TXLNG: variants seen among roughly 807,000 people sequenced by gnomAD.
The protein encoded by TXLNG is taxilin gamma.
In TXLNG, 5 loss-of-function variants were observed where a neutral mutation model predicts 38.8. That is an observed-to-expected ratio of 0.13 (90% confidence interval 0.07 to 0.27). TXLNG has a LOEUF of 0.27. Among genes scored for constraint, TXLNG ranks in the 10% least tolerant of loss-of-function variants. TXLNG has a pLI of 1.00. For missense variants in TXLNG, 393 were observed against 398.2 expected, an observed-to-expected ratio of 0.99 and a Z score of 0.11; for synonymous variants, 182 against 158.2, an observed-to-expected ratio of 1.15 and a Z score of -1.13.
At chrX:16,823,319 G>T (rs971321051) in intron 3 of TXLNG, among the ~76,000 whole-genome samples, 2 of 108,670 alleles carry the variant, frequency 1.8e-5, no homozygotes, top group African/African-American at 6.7e-5. Context: ...TTTGCTGGGC[G>T]TGGTGGCGCA....
intron 1 of TXLNG, 41 bp downstream of exon 1, chrX:16,786,630 GA>G: frequency 1.1e-6 from 1 of 946,566 alleles, no homozygotes. Context: ...GGGCCCGGGG[GA>G]TGTTTGGGCT....
chrX:16,816,480 G>A (rs1928749336), intron 1 of TXLNG, among the ~76,000 whole-genome samples: 1 of 112,721 alleles, frequency 8.9e-6, no homozygotes, highest in Non-Finnish European at 1.9e-5. Flanking sequence ...GCGTGCCATT[G>A]TGAATTTTTG....
intron 1 of TXLNG, among the ~76,000 whole-genome samples, chrX:16,799,878 C>T (rs1394830776): frequency 8.9e-6 from 1 of 111,993 alleles, no homozygotes; most frequent in Non-Finnish European, 1.9e-5. Flanking sequence ...TTGTGTGTTC[C>T]ATTTATCTCA....
chrX:16,796,843 A>G (rs1225724913), intron 1 of TXLNG, among the ~76,000 whole-genome samples: 1 of 111,441 alleles, frequency 9.0e-6, no homozygotes, highest in Non-Finnish European at 1.9e-5. Context: ...CAACCAGGAC[A>G]GCAGTTCTCA....
At chrX:16,840,109 A>G in intron 9 of TXLNG, 193 bp downstream of exon 9, 1 of 346,663 alleles carries the variant, frequency 2.9e-6, no homozygotes, top group East Asian at 4.6e-5. Context: ...TAGGTTAGGG[A>G]CAGGGCCCTG....
intron 1 of TXLNG, among the ~76,000 whole-genome samples, chrX:16,800,734 G>A (rs993492194): frequency 7.2e-5 from 8 of 110,892 alleles, no homozygotes; most frequent in African/African-American, 2.6e-4. Flanking sequence ...CTGGCCAAGA[G>A]GAGATACTTC....
At chrX:16,803,614 A>G (rs1430854838) in intron 1 of TXLNG, among the ~76,000 whole-genome samples, 1 of 98,954 alleles carries the variant, frequency 1.0e-5, no homozygotes, top group Non-Finnish European at 2.0e-5. Context: ...AAGTGCTGGG[A>G]TTACAGGCGT....
Position 16,839,883 on chromosome X carries a change from C to T in TXLNG, c.1215C>T (p.Asn405=), listed in dbSNP as rs1929729765. ...ETIIWRTKWE[N]NNKALLQMAE... is the part of the protein sequence containing the mutation. ...TAATTTGGCGTACCAAATGGGAAAACAATAATAAAGCACTTCTGCAAATGG... is the reference window on the plus strand; with the variant it reads ...TAATTTGGCGTACCAAATGGGAAAATAATAATAAAGCACTTCTGCAAATGG... Residue 405 remains asparagine, a synonymous_variant, in exon 9 of 10, where the codon AAC becomes AAT. Transcript: ENST00000380122. 2.5e-6 allele frequency: 3 copies of T among 1,203,509 alleles called. No homozygotes were observed. Among genetic ancestry groups the T allele is most frequent in the African/African-American group, 1.7e-5 (1 of 57,530 alleles).
Position 16,786,535 on chromosome X carries a change from C to T in TXLNG, c.48C>T (p.Ala16=). The part of the protein sequence containing the change: ...EEAARGRGGG[A]EEATEAGRGG... Reference sequence around the variant, plus strand: ...CAGCGCGGGGAAGAGGCGGCGGCGCCGAAGAGGCGACTGAGGCCGGACGGG... The same window carrying T: ...CAGCGCGGGGAAGAGGCGGCGGCGCTGAAGAGGCGACTGAGGCCGGACGGG... The change falls in exon 1 of 10, where the codon GCC becomes GCT. Residue 16 remains alanine (A), a synonymous_variant. Transcript: ENST00000380122. 2 of 1,099,870 alleles carry T rather than the reference C, an allele frequency of 1.8e-6. No homozygotes were observed. Among genetic ancestry groups the T allele is most frequent in the Non-Finnish European group, 2.4e-6 (2 of 844,359 alleles). The allele number at this position is 1,099,870 out of a possible 1,213,427, so 90.6% of individuals were successfully genotyped here. A position where few individuals can be genotyped will look rare whatever the true frequency, so the allele number is the denominator to read the frequency against.
Position 16,814,064 on chromosome X carries a change from C to T in TXLNG, c.103-4510C>T, listed in dbSNP as rs757150694. Among the ~76,000 whole-genome samples, 28 of 109,779 alleles carry T rather than the reference C, an allele frequency of 2.6e-4. No individual in the cohort carries two copies. In the East Asian group the frequency reaches 4.3e-3, roughly 17 times the overall value. ...TCACGCCACTGCACTCCAGCCTGGG[C>T]GACAGAGCGAGACTCCATCTCAAAA... On this transcript the variant is annotated intron_variant, in intron 1 of 9. Transcript: ENST00000380122.
chrX:16,793,700 G>A (rs1316683748), intron 1 of TXLNG, among the ~76,000 whole-genome samples: 1 of 108,082 alleles, frequency 9.3e-6, no homozygotes, highest in Non-Finnish European at 1.9e-5. Context: ...TGCCCAGGCT[G>A]GAGTGTAGTT....
intron 1 of TXLNG, among the ~76,000 whole-genome samples, chrX:16,790,305 C>T (rs1008087655): frequency 9.0e-6 from 1 of 111,110 alleles, no homozygotes; most frequent in Non-Finnish European, 1.9e-5. Context: ...CCTATAAATC[C>T]CTTGTGCTCT....
At chrX:16,803,078 A>G (rs1366803715) in intron 1 of TXLNG, among the ~76,000 whole-genome samples, 1 of 111,012 alleles carries the variant, frequency 9.0e-6, no homozygotes, top group African/African-American at 3.3e-5. Flanking sequence ...TTGGCCTCCC[A>G]AAGTACCGGG....
rs764265436 is a variant in TXLNG, at chrX:16,843,732, C to G, written c.*1966C>G. On this transcript the variant is annotated 3_prime_UTR_variant, in exon 10 of 10. Coordinates refer to ENST00000380122, the MANE Select transcript of TXLNG (RefSeq NM_018360.3). ...TAAATCTTGGGCCTGTTGCATACTT[C>G]CAAGGGCTTTAAAGCAATGTGATTA... The G allele has an allele frequency of 1.8e-5, 2 of 111,989 alleles. No individual in the cohort carries two copies. Among genetic ancestry groups the G allele is most frequent in the Non-Finnish European group, 3.8e-5 (2 of 53,222 alleles). 9.2% of individuals were successfully genotyped at this position (111,989 alleles called of 1,213,427 possible).
chrX:16,838,345 G>A (rs749678767), intron 8 of TXLNG, among the ~76,000 whole-genome samples: 2 of 111,870 alleles, frequency 1.8e-5, no homozygotes, highest in South Asian at 7.4e-4. Flanking sequence ...GTTGGGTTGG[G>A]GAGAAGTACA....
rs763126440 is a variant in TXLNG, at chrX:16,841,002, C to T, written c.1249-426C>T. ...ACGAGGTCAGGAAATCAAGACCATC[C>T]TGGCCAACATGGTGAAACTCCATCT... On this transcript the variant is annotated intron_variant, in intron 9 of 9. Coordinates refer to ENST00000380122, the MANE Select transcript of TXLNG (RefSeq NM_018360.3). Among the ~76,000 whole-genome samples, 341 of 111,044 alleles carry T rather than the reference C, an allele frequency of 3.1e-3. 1 individual carries two copies. Among genetic ancestry groups the T allele is most frequent in the Non-Finnish European group, 5.5e-3 (292 of 52,978 alleles).
chrX:16,841,842 G>C lies in TXLNG; in HGVS notation c.*76G>C. On this transcript the variant is annotated 3_prime_UTR_variant, in exon 10 of 10. Coordinates refer to ENST00000380122, the MANE Select transcript of TXLNG (RefSeq NM_018360.3). ...CTGTTAGTAGTTAACTATTGGTTTTGTGGTGAAAATTTTCTTACTTTTTCT... is the reference window on the plus strand; with the variant it reads ...CTGTTAGTAGTTAACTATTGGTTTTCTGGTGAAAATTTTCTTACTTTTTCT... The C allele has an allele frequency of 9.3e-7, 1 of 1,071,318 alleles. No homozygotes were observed. The highest frequency in any genetic ancestry group is 3.0e-5 in the East Asian group (1 of 32,879). The allele number at this position is 1,071,318 out of a possible 1,213,427, so 88.3% of individuals were successfully genotyped here. A position where few individuals can be genotyped will look rare whatever the true frequency, so the allele number is the denominator to read the frequency against.
intron 5 of TXLNG, among the ~76,000 whole-genome samples, chrX:16,831,972 G>A (rs1929428583): frequency 8.9e-6 from 1 of 112,308 alleles, no homozygotes; most frequent in African/African-American, 3.2e-5. Context: ...TAACAGTTTT[G>A]TTTGGAAATA....
At chrX:16,807,512 C>T (rs1221881609) in intron 1 of TXLNG, among the ~76,000 whole-genome samples, 3 of 111,177 alleles carry the variant, frequency 2.7e-5, no homozygotes, top group Non-Finnish European at 5.6e-5. Context: ...CTCGTCAAGT[C>T]TCATTTTCTG....
Sources: allele counts gnomAD v4.1 joint callset (sites outside exome capture counted in the v4.1 genomes callset), GRCh38; gene constraint gnomAD v4.1.1; transcripts MANE v1.5; gene names NCBI Gene and HGNC (gene_info 2026-07-23, HGNC 2026-07-21).